ARHGAP15: variants seen among roughly 807,000 people sequenced by gnomAD.
ARHGAP15 encodes rho GTPase-activating protein 15.
In ARHGAP15, 51 loss-of-function variants were observed where a neutral mutation model predicts 63.7. The observed-to-expected ratio is 0.80, with a 90% CI of 0.64 to 1.01. ARHGAP15 has a LOEUF of 1.01. ARHGAP15 is among the 50% of genes least tolerant of loss of function. ARHGAP15 has a pLI of 0.00. For missense variants in ARHGAP15, 560 were observed against 564.6 expected (o/e 0.99, Z 0.08); for synonymous variants, 191 against 193.8 (o/e 0.99, Z 0.12).
chr2:143,251,962 T>C (rs187196939), intron 6 of ARHGAP15, among the ~76,000 whole-genome samples: 3 of 152,180 alleles, frequency 2.0e-5, no homozygotes, highest in African/African-American at 7.2e-5. Flanking sequence ...ATTCTAGCCT[T>C]ATGACAACTT....
chr2:143,734,530 A>C (rs1056804835), intron 13 of ARHGAP15, among the ~76,000 whole-genome samples: 1 of 152,212 alleles, frequency 6.6e-6, no homozygotes, highest in African/African-American at 2.4e-5. Context: ...TTCAACAAAT[A>C]CATCTATAGC....
At chr2:143,319,508 C>T (rs1009999229) in intron 6 of ARHGAP15, among the ~76,000 whole-genome samples, 1 of 152,140 alleles carries the variant, frequency 6.6e-6, no homozygotes, top group African/African-American at 2.4e-5. Context: ...AGGCATGAGC[C>T]ACCGCACCTG....
intron 12 of ARHGAP15, among the ~76,000 whole-genome samples, chr2:143,689,875 T>C (rs144727285): frequency 6.6e-6 from 1 of 152,296 alleles, no homozygotes; most frequent in African/African-American, 2.4e-5. Flanking sequence ...CTACCTACAA[T>C]ATCCTCAGTT....
At chr2:143,454,300 AG>A (rs1690545418) in intron 8 of ARHGAP15, among the ~76,000 whole-genome samples, 1 of 152,042 alleles carries the variant, frequency 6.6e-6, no homozygotes, top group African/African-American at 2.4e-5. Context: ...ATTGTAAGTT[AG>A]GGGTGAATCA....
At chr2:143,724,861 A>G (rs1685212581) in intron 13 of ARHGAP15, among the ~76,000 whole-genome samples, 1 of 152,230 alleles carries the variant, frequency 6.6e-6, no homozygotes, top group South Asian at 2.1e-4. Context: ...ATCATCAAAT[A>G]GTAATACACA....
intron 1 of ARHGAP15, among the ~76,000 whole-genome samples, chr2:143,135,986 G>A (rs917491417): frequency 2.0e-5 from 3 of 152,066 alleles, no homozygotes; most frequent in Non-Finnish European, 4.4e-5. Flanking sequence ...CTCCACTTGA[G>A]TGTCTCATAG....
chr2:143,480,725 C>T (rs1313873195), intron 8 of ARHGAP15: 1 of 152,232 alleles, frequency 6.6e-6, no homozygotes, highest in Admixed American at 6.5e-5. Context: ...TAAGCCCAAA[C>T]TTACCCTTTC....
intron 8 of ARHGAP15, among the ~76,000 whole-genome samples, chr2:143,437,645 C>T (rs1407239209): frequency 6.6e-6 from 1 of 152,186 alleles, no homozygotes; most frequent in African/African-American, 2.4e-5. Flanking sequence ...ATTCCCCAGA[C>T]TGCTTCTTCC....
At chr2:143,408,772 A>G in intron 6 of ARHGAP15, among the ~76,000 whole-genome samples, 1 of 152,050 alleles carries the variant, frequency 6.6e-6, no homozygotes, top group Middle Eastern at 3.4e-3. Context: ...TAAAACATTC[A>G]TTTTTTAATT....
chr2:143,558,651 A>T (rs1298776183), intron 11 of ARHGAP15, among the ~76,000 whole-genome samples: 4 of 152,184 alleles, frequency 2.6e-5, no homozygotes, highest in Non-Finnish European at 5.9e-5. Flanking sequence ...ATCTTTTCCC[A>T]TTAACCAGTT....
intron 6 of ARHGAP15, chr2:143,435,151 A>T (rs1211762550): frequency 1.8e-6 from 1 of 543,586 alleles, no homozygotes; most frequent in Non-Finnish European, 2.3e-6. Context: ...TTGGTAAATA[A>T]ACTGTTTTAG....
intron 12 of ARHGAP15, among the ~76,000 whole-genome samples, chr2:143,664,630 C>G (rs1332035333): frequency 2.6e-5 from 4 of 151,462 alleles, no homozygotes; most frequent in African/African-American, 9.7e-5. Flanking sequence ...AATCCAGGAG[C>G]TGGTTTTTTG....
At chr2:143,538,589 AG>A (rs762003869) in intron 10 of ARHGAP15, among the ~76,000 whole-genome samples, 33 of 152,316 alleles carry the variant, frequency 2.2e-4, no homozygotes, top group Non-Finnish European at 4.1e-4. Flanking sequence ...TTTAGCATGA[AG>A]GGTTGTTGAA....
chr2:143,699,935 C>G (rs919372513), intron 12 of ARHGAP15, among the ~76,000 whole-genome samples: 3 of 152,154 alleles, frequency 2.0e-5, no homozygotes, highest in Non-Finnish European at 4.4e-5. Context: ...CAAGACCACA[C>G]GGCTAATAAA....
At chr2:143,231,821 C>T (rs1403942207) in intron 5 of ARHGAP15, among the ~76,000 whole-genome samples, 1 of 152,198 alleles carries the variant, frequency 6.6e-6, no homozygotes. Flanking sequence ...TCCTCATTTG[C>T]ATCTGTCCTG....
chr2:143,385,695 A>G (rs576005889), intron 6 of ARHGAP15, among the ~76,000 whole-genome samples: 1 of 152,168 alleles, frequency 6.6e-6, no homozygotes, highest in Non-Finnish European at 1.5e-5. Context: ...ATATCAAGCT[A>G]GTAGGATGGC....
rs542559168 is a variant in ARHGAP15 at position 143,495,781 on chromosome 2, G to A, written c.826+8286G>A. 5.9e-5 allele frequency among the ~76,000 whole-genome samples: 9 copies of A among 152,268 alleles called. No homozygotes were observed. The South Asian group carries it at 1.9e-3, about 32-fold the overall frequency. ...GACAGAGTAACATAATTGTCACACT[G>A]TTAATTTAAGCAAAATATATATGAT... On this transcript the variant is annotated intron_variant, in intron 9 of 13. Coordinates refer to ENST00000295095, the MANE Select transcript of ARHGAP15 (RefSeq NM_018460.4).
At chr2:143,387,887 A>G (rs1050389957) in intron 6 of ARHGAP15, among the ~76,000 whole-genome samples, 1 of 149,734 alleles carries the variant, frequency 6.7e-6, no homozygotes, top group Admixed American at 6.7e-5. Context: ...GCATGCGTGC[A>G]CATACACATA....
At chr2:143,482,504 T>C (rs1331608927) in intron 8 of ARHGAP15, among the ~76,000 whole-genome samples, 1 of 152,244 alleles carries the variant, frequency 6.6e-6, no homozygotes, top group Non-Finnish European at 1.5e-5. Context: ...GAAGGAACAC[T>C]GTTCTGTTAA....
Sources: gnomAD v4.1 joint callset for allele counts (sites outside exome capture counted in the v4.1 genomes callset) on GRCh38, gnomAD v4.1.1 for gene constraint, MANE v1.5 for transcripts, NCBI Gene and HGNC (gene_info 2026-07-23, HGNC 2026-07-21) for gene names.